AUTS2: variants seen among roughly 807,000 people sequenced by gnomAD.
AUTS2 encodes the protein activator of transcription and developmental regulator AUTS2.
A neutral mutation model predicts 112.4 loss-of-function variants in AUTS2; 17 were observed. The observed-to-expected ratio is 0.15, with a 90% CI of 0.10 to 0.23. The LOEUF is 0.23. Ranked by LOEUF, AUTS2 falls within the 10% of genes least tolerant of loss-of-function variation. The probability of loss-of-function intolerance (pLI) is 1.00; values close to 1 mark genes in which losing one functional copy is unlikely to be tolerated. For synonymous variants in AUTS2, 751 were observed against 702.7 expected, an observed-to-expected ratio of 1.07 and a Z score of -1.09; for missense variants, 1,510 against 1,701.6, an observed-to-expected ratio of 0.89 and a Z score of 1.98.
intron 5 of AUTS2, among the ~76,000 whole-genome samples, chr7:70,639,418 C>T (rs554532233): frequency 9.2e-5 from 14 of 151,806 alleles, no homozygotes; most frequent in Non-Finnish European, 1.9e-4. Context: ...GAGTTTGAGA[C>T]CAGCCTGGGC....
At chr7:70,603,754 G>A (rs1238566222) in intron 5 of AUTS2, among the ~76,000 whole-genome samples, 1 of 152,174 alleles carries the variant, frequency 6.6e-6, no homozygotes, top group Non-Finnish European at 1.5e-5. Context: ...TTATTTTTAA[G>A]GAGATATTTT....
intron 4 of AUTS2, among the ~76,000 whole-genome samples, chr7:70,208,284 C>T (rs1210164407): frequency 2.0e-5 from 3 of 152,154 alleles, no homozygotes; most frequent in Admixed American, 6.5e-5. Context: ...TGCTATGCAG[C>T]GTGACTAGCA....
intron 5 of AUTS2, among the ~76,000 whole-genome samples, chr7:70,462,533 GC>G (rs1797007681): frequency 6.6e-6 from 1 of 151,974 alleles, no homozygotes; most frequent in African/African-American, 2.4e-5. Context: ...ATTTCTAAGG[GC>G]CCTTCCAATT....
chr7:70,194,805 T>G (rs1433998516), intron 4 of AUTS2: 2 of 152,234 alleles, frequency 1.3e-5, no homozygotes, highest in Non-Finnish European at 2.9e-5. Flanking sequence ...AATGTTACTG[T>G]TGTGTCTTGC....
At chr7:70,397,606 TA>T (rs1202712954) in intron 4 of AUTS2, among the ~76,000 whole-genome samples, 1 of 151,892 alleles carries the variant, frequency 6.6e-6, no homozygotes, top group Non-Finnish European at 1.5e-5. Context: ...AAAATAAAAA[TA>T]AATATATTCT....
At chr7:70,657,407 T>C (rs1563106686) in intron 5 of AUTS2, among the ~76,000 whole-genome samples, 2 of 152,124 alleles carry the variant, frequency 1.3e-5, no homozygotes, top group South Asian at 4.1e-4. Context: ...AGAAGTGAAA[T>C]ATTTAGATAG....
intron 4 of AUTS2, among the ~76,000 whole-genome samples, chr7:70,215,716 G>C (rs892283645): frequency 7.2e-5 from 11 of 152,162 alleles, no homozygotes; most frequent in Non-Finnish European, 1.6e-4. Context: ...GTAACTTTTA[G>C]GTTTCTGGCT....
intron 4 of AUTS2, among the ~76,000 whole-genome samples, chr7:70,139,377 A>G (rs992835769): frequency 2.6e-5 from 4 of 152,186 alleles, no homozygotes; most frequent in Non-Finnish European, 5.9e-5. Flanking sequence ...TGCAACATTT[A>G]TCTTGATGTA....
chr7:70,253,384 C>CGTGTCTGAAATTTCA (rs1786701632), intron 4 of AUTS2, among the ~76,000 whole-genome samples: 1 of 152,094 alleles, frequency 6.6e-6, no homozygotes, highest in South Asian at 2.1e-4. Context: ...ATATACTTAG[C>CGTGTCTGAAATTTCA]GTGTCTGAAA....
intron 2 of AUTS2, among the ~76,000 whole-genome samples, chr7:70,025,343 C>G (rs1250593171): frequency 6.6e-6 from 1 of 151,988 alleles, no homozygotes; most frequent in Non-Finnish European, 1.5e-5. Context: ...GATATACTCT[C>G]TTCTGTATCT....
intron 2 of AUTS2, among the ~76,000 whole-genome samples, chr7:70,104,548 G>A (rs1003626592): frequency 1.3e-5 from 2 of 152,170 alleles, no homozygotes; most frequent in South Asian, 2.1e-4. Context: ...TAGTTAAAAT[G>A]TTTCATTAGA....
chr7:70,789,963 T>A lies in AUTS2; in HGVS notation c.2747T>A (p.Leu916Gln). 6.2e-7 allele frequency: 1 copy of A among 1,613,346 alleles called. No homozygotes were observed. The highest frequency in any genetic ancestry group is 8.5e-7 in the Non-Finnish European group (1 of 1,179,790). ...ADEHKAKEGHLPEKDGHGHEG... is the reference protein window; with the variant it reads ...ADEHKAKEGHQPEKDGHGHEG... ...GAGCACAAGGCGAAAGAGGGCCACC[T>A]GCCCGAGAAGGACGGGCACGGCCAC... The change falls in exon 19 of 19, where the codon CTG (leucine) becomes CAG (glutamine). Residue 916 changes from leucine to glutamine, a missense_variant. Coordinates refer to ENST00000342771, the MANE Select transcript of AUTS2 (RefSeq NM_015570.4).
chr7:69,778,240 ATATATATTTT>A (rs753761569), intron 1 of AUTS2, among the ~76,000 whole-genome samples: 5 of 75,228 alleles, frequency 6.6e-5, no homozygotes, highest in African/African-American at 1.0e-4. Flanking sequence ...ATATATATAT[ATATATATTTT>A]TTTTTTTTTT....
chr7:70,362,859 G>A (rs944684121), intron 4 of AUTS2, among the ~76,000 whole-genome samples: 3 of 152,150 alleles, frequency 2.0e-5, no homozygotes, highest in Admixed American at 6.5e-5. Context: ...CTGGAGATAC[G>A]TAAGCTACAG....
intron 1 of AUTS2, among the ~76,000 whole-genome samples, chr7:69,656,294 TTGCCACCAGAG>T (rs1421415200): frequency 2.0e-5 from 3 of 152,182 alleles, no homozygotes; most frequent in Admixed American, 1.3e-4. Flanking sequence ...AAATATAAGC[TTGCCACCAGAG>T]TGAAGTGAAT....
At chr7:70,312,455 T>A (rs973698662) in intron 4 of AUTS2, among the ~76,000 whole-genome samples, 1 of 152,218 alleles carries the variant, frequency 6.6e-6, no homozygotes, top group African/African-American at 2.4e-5. Context: ...AGGCAGTGAT[T>A]TGGCCTCAAG....
chr7:70,168,615 C>T (rs539540010), intron 4 of AUTS2, among the ~76,000 whole-genome samples: 2 of 152,200 alleles, frequency 1.3e-5, no homozygotes, highest in South Asian at 2.1e-4. Flanking sequence ...GTGCACCTGG[C>T]CTGCTCTGCT....
At chr7:70,555,836 C>G (rs1392099691) in intron 5 of AUTS2, among the ~76,000 whole-genome samples, 1 of 148,230 alleles carries the variant, frequency 6.7e-6, no homozygotes, top group Non-Finnish European at 1.5e-5. Flanking sequence ...AGAGTCTCGT[C>G]GCTCTGTCGC....
intron 4 of AUTS2, among the ~76,000 whole-genome samples, chr7:70,363,465 GAAAAAAA>G (rs369462886): frequency 2.7e-5 from 3 of 110,772 alleles, no homozygotes; most frequent in East Asian, 4.5e-4. Context: ...ATAAAAAAAA[GAAAAAAA>G]AAAAAAAAAA....
Sources: allele counts gnomAD v4.1 joint callset (sites outside exome capture counted in the v4.1 genomes callset), GRCh38; gene constraint gnomAD v4.1.1; transcripts MANE v1.5; gene names NCBI Gene and HGNC (gene_info 2026-07-23, HGNC 2026-07-21).